COMMD1: variants seen among roughly 807,000 people sequenced by gnomAD.
COMMD1 encodes copper metabolism domain containing 1.
COMMD1 carries 10 observed loss-of-function variants against 17.2 expected under a neutral mutation model. The ratio of observed to expected loss-of-function variants is 0.58; its 90% CI spans 0.36 to 0.99. The LOEUF is 0.99. Ranked by LOEUF, COMMD1 falls within the 50% of genes least tolerant of loss-of-function variation. The pLI is 0.01. For missense variants in COMMD1, 270 were observed against 231.8 expected (o/e 1.17, Z -1.07); for synonymous variants, 97 against 91.6 (o/e 1.06, Z -0.34).
intron 2 of COMMD1, among the ~76,000 whole-genome samples, chr2:62,030,259 T>C (rs1419717231): frequency 6.6e-6 from 1 of 152,102 alleles, no homozygotes; most frequent in African/African-American, 2.4e-5. Flanking sequence ...GGCTTTCTGG[T>C]TGGTTTTTGA....
At chr2:62,106,662 G>A (rs889723231) in intron 2 of COMMD1, among the ~76,000 whole-genome samples, 13 of 152,234 alleles carry the variant, frequency 8.5e-5, no homozygotes, top group Admixed American at 8.5e-4. Context: ...GATTTTCAAC[G>A]TATAGACGTA....
At position 61,905,684 on chromosome 2, in the gene COMMD1, G is replaced by A. The variant is rs538573587; in HGVS notation, c.6G>A (p.Ala2=). The stretch of plus-strand genomic sequence containing the variant: ...GGGCGGGGCCTTCGCAGAGCATGGC[G>A]GCGGGCGAGCTTGAGGGTGGCAAAC... The part of the protein sequence containing the change: M[A]AGELEGGKPL... The change falls in exon 1 of 3, where the codon GCG becomes GCA. Residue 2 remains alanine, a synonymous_variant. Coordinates refer to ENST00000311832, the MANE Select transcript of COMMD1 (RefSeq NM_152516.4). 1.3e-6 allele frequency: 2 copies of A among 1,560,044 alleles called. No individual in the cohort carries two copies. Among genetic ancestry groups the A allele is most frequent in the Admixed American group, 1.9e-5 (1 of 52,952 alleles).
At chr2:62,048,507 T>G (rs895384190) in intron 2 of COMMD1, among the ~76,000 whole-genome samples, 1 of 152,044 alleles carries the variant, frequency 6.6e-6, no homozygotes, top group Non-Finnish European at 1.5e-5. Flanking sequence ...TTTCAGTACT[T>G]GAATTGCTAA....
At chr2:61,982,152 C>G (rs1352064821) in intron 1 of COMMD1, among the ~76,000 whole-genome samples, 9 of 152,002 alleles carry the variant, frequency 5.9e-5, no homozygotes, top group Admixed American at 5.2e-4. Context: ...TTGGTGTTAC[C>G]TTCAATTTCT....
chr2:62,003,003 C>T lies in COMMD1; in HGVS notation c.462+2021C>T, dbSNP rs147361733. Among the ~76,000 whole-genome samples the T allele has an allele frequency of 8.0e-3, 1,211 of 152,200 alleles. 20 individuals are homozygous for T. The highest frequency in any genetic ancestry group is 0.028 in the African/African-American group (1,145 of 41,540). On this transcript the variant is annotated intron_variant, in intron 2 of 2. Transcript: ENST00000311832. The stretch of plus-strand genomic sequence containing the variant: ...ATCCCAGCACTTTGGGAGGCTGAGG[C>T]AGGTGTATCATCTGAGGTCAGGAGA...
chr2:62,134,158 G>GA (rs146765656), intron 2 of COMMD1, among the ~76,000 whole-genome samples: 7,834 of 152,084 alleles, frequency 0.052, 705 homozygotes, highest in African/African-American at 0.18. Flanking sequence ...GAAACTCCAA[G>GA]ACTTATTTTT....
intron 2 of COMMD1, among the ~76,000 whole-genome samples, chr2:62,003,147 C>A (rs1476627724): frequency 6.6e-6 from 1 of 150,920 alleles, no homozygotes; most frequent in Non-Finnish European, 1.5e-5. Context: ...GCAGGAGAAT[C>A]ACTTGAACCT....
At chr2:62,017,370 T>C (rs1287103428) in intron 2 of COMMD1, among the ~76,000 whole-genome samples, 2 of 152,052 alleles carry the variant, frequency 1.3e-5, no homozygotes, top group Admixed American at 6.6e-5. Flanking sequence ...CTAGTCTTCT[T>C]AGAATATCAT....
chr2:62,033,263 A>G (rs1669957786), intron 2 of COMMD1, among the ~76,000 whole-genome samples: 1 of 152,178 alleles, frequency 6.6e-6, no homozygotes, highest in Non-Finnish European at 1.5e-5. Context: ...ATAAAGGGTA[A>G]TATCCTACTA....
At chr2:61,964,532 G>A (rs1671456583) in intron 1 of COMMD1, among the ~76,000 whole-genome samples, 1 of 151,630 alleles carries the variant, frequency 6.6e-6, no homozygotes, top group South Asian at 2.1e-4. Flanking sequence ...TTTCATTTTT[G>A]TGTTTGTAAT....
At chr2:61,892,606 A>T (rs368887926) in intron 1 of COMMD1, among the ~76,000 whole-genome samples, 2 of 151,354 alleles carry the variant, frequency 1.3e-5, no homozygotes, top group South Asian at 4.2e-4. Flanking sequence ...AGGCAGGAGG[A>T]TCGCTTGAAC....
chr2:62,050,839 TTTCTTA>T (rs1334305126), intron 2 of COMMD1, among the ~76,000 whole-genome samples: 2 of 152,204 alleles, frequency 1.3e-5, no homozygotes, highest in Non-Finnish European at 2.9e-5. Flanking sequence ...GAACTTTTTT[TTTCTTA>T]AAGAAATACC....
intron 1 of COMMD1, among the ~76,000 whole-genome samples, chr2:61,894,665 TGA>T (rs1491235554): frequency 6.6e-6 from 1 of 150,876 alleles, no homozygotes; most frequent in African/African-American, 2.4e-5. Context: ...AATAGAATGA[TGA>T]TATATATATA....
intron 1 of COMMD1, among the ~76,000 whole-genome samples, chr2:61,941,614 A>T (rs547653298): frequency 6.6e-6 from 1 of 152,148 alleles, no homozygotes; most frequent in Non-Finnish European, 1.5e-5. Flanking sequence ...TCTCAGGGCA[A>T]ACCTTACAGT....
At chr2:61,894,978 C>G (rs1369228421) in intron 1 of COMMD1, among the ~76,000 whole-genome samples, 2 of 152,100 alleles carry the variant, frequency 1.3e-5, no homozygotes, top group African/African-American at 2.4e-5. Context: ...AGGTGTCAGC[C>G]ACTACACCTG....
At chr2:62,049,673 C>T (rs999923962) in intron 2 of COMMD1, among the ~76,000 whole-genome samples, 15 of 152,146 alleles carry the variant, frequency 9.9e-5, no homozygotes, top group South Asian at 2.1e-4. Context: ...GTAGAGGCAG[C>T]ACTTACTCAG....
intron 1 of COMMD1, among the ~76,000 whole-genome samples, chr2:61,937,499 C>G (rs1376116715): frequency 1.3e-5 from 2 of 152,142 alleles, no homozygotes; most frequent in Non-Finnish European, 2.9e-5. Flanking sequence ...GTAAACAAGA[C>G]TTATAGCCAA....
At chr2:62,016,543 A>T (rs1669455192) in intron 2 of COMMD1, among the ~76,000 whole-genome samples, 1 of 150,008 alleles carries the variant, frequency 6.7e-6, no homozygotes, top group Admixed American at 6.6e-5. Context: ...CAAACACCTG[A>T]ACTCATTTTA....
chr2:61,927,707 C>T (rs1240016056), intron 1 of COMMD1, among the ~76,000 whole-genome samples: 1 of 151,362 alleles, frequency 6.6e-6, no homozygotes, highest in Non-Finnish European at 1.5e-5. Flanking sequence ...TGGGTGACTC[C>T]ATTTTGATTT....
Sources: gnomAD v4.1 joint callset for allele counts (sites outside exome capture counted in the v4.1 genomes callset) on GRCh38, gnomAD v4.1.1 for gene constraint, MANE v1.5 for transcripts, NCBI Gene and HGNC (gene_info 2026-07-23, HGNC 2026-07-21) for gene names.